The following CERS3 variants were observed in gnomAD, a reference collection of about 807,000 sequenced individuals.
CERS3 encodes LAG1 homolog, ceramide synthase 3.
A neutral mutation model predicts 50.3 loss-of-function variants in CERS3; 33 were observed. The observed-to-expected ratio is 0.66, with a 90% CI of 0.50 to 0.88. CERS3 has a LOEUF of 0.88. Among genes scored for constraint, CERS3 ranks in the 40% least tolerant of loss-of-function variants. The probability of loss-of-function intolerance (pLI) is 0.00; values close to 1 mark genes in which losing one functional copy is unlikely to be tolerated. For synonymous variants in CERS3, 176 were observed against 155.2 expected, an observed-to-expected ratio of 1.13 and a Z score of -0.99; for missense variants, 470 against 460.3, an observed-to-expected ratio of 1.02 and a Z score of -0.19.
chr15:100,464,369 C>A (rs1256777497), intron 10 of CERS3, among the ~76,000 whole-genome samples: 1 of 152,220 alleles, frequency 6.6e-6, no homozygotes, highest in African/African-American at 2.4e-5. Context: ...TGAGCTGGGT[C>A]TCACTCCCCT....
At chr15:100,482,317 A>G (rs1389249545) in intron 5 of CERS3, among the ~76,000 whole-genome samples, 1 of 152,202 alleles carries the variant, frequency 6.6e-6, no homozygotes, top group Non-Finnish European at 1.5e-5. Flanking sequence ...GGTGATAGTG[A>G]AAGGAGGGAC....
intron 1 of CERS3, among the ~76,000 whole-genome samples, chr15:100,535,347 C>A (rs2037044552): frequency 6.6e-6 from 1 of 152,218 alleles, no homozygotes; most frequent in African/African-American, 2.4e-5. Context: ...GTCATTAACT[C>A]ATTCAGCCAG....
rs555549403 is a variant in CERS3, at chr15:100,419,650, C to T, written c.1000-16785G>A. On this transcript the variant is annotated intron_variant, in intron 11 of 11. Coordinates refer to ENST00000679737, the MANE Select transcript of CERS3 (RefSeq NM_001378789.1). Reference sequence around the variant, plus strand: ...ATACATTTTTTTCAGCACCACACCACACCTATTCCAAAATTGAGCACATAC... The same window carrying T: ...ATACATTTTTTTCAGCACCACACCATACCTATTCCAAAATTGAGCACATAC... Among the ~76,000 whole-genome samples the T allele has an allele frequency of 2.3e-3, 352 of 151,594 alleles. 1 individual carries two copies. Among genetic ancestry groups the T allele is most frequent in the Non-Finnish European group, 3.8e-3 (259 of 67,958 alleles).
chr15:100,509,438 C>T (rs1355057875), intron 2 of CERS3, among the ~76,000 whole-genome samples: 4 of 152,154 alleles, frequency 2.6e-5, no homozygotes, highest in South Asian at 2.1e-4. Context: ...TGCTACAGAA[C>T]ATATCTCTCA....
At chr15:100,472,138 T>C (rs1013428343) in intron 9 of CERS3, among the ~76,000 whole-genome samples, 15 of 152,294 alleles carry the variant, frequency 9.8e-5, no homozygotes, top group African/African-American at 2.9e-4. Flanking sequence ...TCAAAAGTAA[T>C]CCCAAATGTG....
intron 4 of CERS3, among the ~76,000 whole-genome samples, chr15:100,487,015 G>A (rs901379360): frequency 6.6e-6 from 1 of 152,026 alleles, no homozygotes; most frequent in Non-Finnish European, 1.5e-5. Context: ...GAATCTAGTT[G>A]GAAGTCAGTC....
intron 11 of CERS3, among the ~76,000 whole-genome samples, chr15:100,404,745 A>G (rs1320774672): frequency 1.3e-5 from 2 of 152,254 alleles, no homozygotes; most frequent in African/African-American, 4.8e-5. Context: ...ACAGTAATCC[A>G]GACAGGGTGG....
In CERS3 at chr15:100,465,879, G is replaced by C. The variant is rs187307017; in HGVS notation, c.845+3499C>G. Among the ~76,000 whole-genome samples, 75 of 152,150 alleles carry C rather than the reference G, an allele frequency of 4.9e-4. No homozygotes were observed. The East Asian group carries it at 0.014, about 29-fold the overall frequency. On this transcript the variant is annotated intron_variant, in intron 10 of 11. Coordinates refer to ENST00000679737, the MANE Select transcript of CERS3 (RefSeq NM_001378789.1). ...TCACCATGTTGACCAGGCTGGTCTC[G>C]AACTCCTGACCTCAGGTGATCCTCC...
At position 100,455,993 on chromosome 15, in the gene CERS3, G is replaced by A; in HGVS notation, c.899C>T (p.Ser300Leu). Reference sequence around the variant, plus strand: ...GAGCTGTAGGTTGAGGAAGATGTATGAAAAGAAAGGCTCGAGGTGATACAT... The same window carrying A: ...GAGCTGTAGGTTGAGGAAGATGTATAAAAAGAAAGGCTCGAGGTGATACAT... ...LPMYHLEPFFSYIFLNLQLMI... is the reference protein window; with the variant it reads ...LPMYHLEPFFLYIFLNLQLMI... The change falls in exon 11 of 12, where the codon TCA becomes TTA. Residue 300 changes from serine (S) to leucine (L), a missense_variant. Coordinates refer to ENST00000679737, the MANE Select transcript of CERS3 (RefSeq NM_001378789.1). The A allele has an allele frequency of 6.2e-7, 1 of 1,613,264 alleles. No homozygotes were observed. Among genetic ancestry groups the A allele is most frequent in the Non-Finnish European group, 8.5e-7 (1 of 1,179,552 alleles).
chr15:100,415,775 C>G (rs1256061960), intron 11 of CERS3, among the ~76,000 whole-genome samples: 1 of 144,872 alleles, frequency 6.9e-6, no homozygotes, highest in African/African-American at 2.6e-5. Flanking sequence ...GAAAAACACA[C>G]ACCAGGGCCT....
At chr15:100,474,891 T>C (rs907686115) in intron 8 of CERS3, among the ~76,000 whole-genome samples, 3 of 152,222 alleles carry the variant, frequency 2.0e-5, no homozygotes, top group Admixed American at 6.5e-5. Flanking sequence ...GGGCCTGTGC[T>C]TTAGCCACCT....
At chr15:100,431,887 T>C (rs923636754) in intron 11 of CERS3, among the ~76,000 whole-genome samples, 1 of 152,312 alleles carries the variant, frequency 6.6e-6, no homozygotes, top group East Asian at 1.9e-4. Context: ...CAGTAACAAG[T>C]TGATCTGAGG....
chr15:100,540,043 C>A (rs1342575813), intron 1 of CERS3, among the ~76,000 whole-genome samples: 2 of 152,144 alleles, frequency 1.3e-5, no homozygotes, highest in Non-Finnish European at 2.9e-5. Flanking sequence ...TAAATCTAAA[C>A]TTCTAGGATT....
chr15:100,472,368 T>A (rs1376412156), intron 9 of CERS3, among the ~76,000 whole-genome samples: 1 of 151,950 alleles, frequency 6.6e-6, no homozygotes, highest in Non-Finnish European at 1.5e-5. Flanking sequence ...TTGTGTGGGG[T>A]GAGATTAGGA....
At chr15:100,409,974 C>T (rs2031350113) in intron 11 of CERS3, among the ~76,000 whole-genome samples, 1 of 152,180 alleles carries the variant, frequency 6.6e-6, no homozygotes. Flanking sequence ...CTGTCATCTG[C>T]CAGAGTGACT....
intron 10 of CERS3, among the ~76,000 whole-genome samples, chr15:100,468,326 G>T (rs2034850422): frequency 6.6e-6 from 1 of 152,146 alleles, no homozygotes; most frequent in Admixed American, 6.6e-5. Context: ...AGATCACAAA[G>T]GTCGTAAGTG....
chr15:100,460,548 A>G (rs141353762), intron 10 of CERS3, among the ~76,000 whole-genome samples: 84 of 152,260 alleles, frequency 5.5e-4, no homozygotes, highest in East Asian at 1.9e-3. Context: ...TCTCTTTTCA[A>G]CTGAACCCCT....
chr15:100,514,407 T>C (rs948767470), intron 2 of CERS3, among the ~76,000 whole-genome samples: 1 of 152,190 alleles, frequency 6.6e-6, no homozygotes, highest in Non-Finnish European at 1.5e-5. Context: ...CTGTTACTGA[T>C]GGCAACACAA....
chr15:100,514,861 T>C (rs1346646658), intron 2 of CERS3, among the ~76,000 whole-genome samples: 1 of 152,274 alleles, frequency 6.6e-6, no homozygotes, highest in African/African-American at 2.4e-5. Context: ...CTTAAACTTT[T>C]AAAATATTGT....
Sources: gnomAD v4.1 joint callset for allele counts (sites outside exome capture counted in the v4.1 genomes callset) on GRCh38, gnomAD v4.1.1 for gene constraint, MANE v1.5 for transcripts, NCBI Gene and HGNC (gene_info 2026-07-23, HGNC 2026-07-21) for gene names.